The following MED12L variants were observed in gnomAD, a reference collection of about 807,000 sequenced individuals.
MED12L encodes mediator complex subunit 12L.
A neutral mutation model predicts 281.3 loss-of-function variants in MED12L; 60 were observed. The observed-to-expected ratio is 0.21, with a 90% confidence interval of 0.17 to 0.26. The LOEUF is 0.26. Among genes scored for constraint, MED12L ranks in the 10% least tolerant of loss-of-function variants. The probability of loss-of-function intolerance (pLI) is 1.00; values close to 1 mark genes in which losing one functional copy is unlikely to be tolerated. For synonymous variants in MED12L, 974 were observed against 987.2 expected (o/e 0.99, Z 0.25); for missense variants, 2,146 against 2,680.9 (o/e 0.80, Z 4.41).
intron 16 of MED12L, among the ~76,000 whole-genome samples, chr3:151,230,240 C>T (rs963089031): frequency 1.3e-5 from 2 of 152,196 alleles, no homozygotes; most frequent in African/African-American, 4.8e-5. Flanking sequence ...TCCTAAAGTG[C>T]TGGGATTACA....
At chr3:151,264,921 T>C (rs552993115) in intron 16 of MED12L, among the ~76,000 whole-genome samples, 1 of 150,432 alleles carries the variant, frequency 6.6e-6, no homozygotes, top group East Asian at 1.9e-4. Context: ...GTAGCCACAC[T>C]GGCCTTCTTG....
intron 16 of MED12L, chr3:151,337,708 CATT>C: frequency 1.8e-6 from 2 of 1,081,740 alleles, no homozygotes; most frequent in Non-Finnish European, 2.7e-6. Context: ...TCTTTAGAGT[CATT>C]ATTATTAACT....
chr3:151,246,304 T>C (rs1408124206), intron 16 of MED12L, among the ~76,000 whole-genome samples: 8 of 150,546 alleles, frequency 5.3e-5, no homozygotes, highest in East Asian at 1.9e-4. Context: ...AAAGAGCCCG[T>C]ATCGCCAAGT....
At chr3:151,215,572 C>T (rs969022343) in intron 16 of MED12L, among the ~76,000 whole-genome samples, 1 of 152,120 alleles carries the variant, frequency 6.6e-6, no homozygotes, top group African/African-American at 2.4e-5. Context: ...TCCAGAACTT[C>T]TATTGTTTAG....
intron 5 of MED12L, among the ~76,000 whole-genome samples, chr3:151,146,852 A>G (rs997250964): frequency 6.6e-6 from 1 of 152,098 alleles, no homozygotes; most frequent in African/African-American, 2.4e-5. Flanking sequence ...CAGCCAGAGA[A>G]CCTGATTTAA....
chr3:151,104,493 C>T (rs1721768945), intron 2 of MED12L, among the ~76,000 whole-genome samples: 9 of 152,140 alleles, frequency 5.9e-5, no homozygotes, highest in Admixed American at 5.9e-4. Context: ...GTCTGCTTAT[C>T]CAGAGCCTTA....
At chr3:151,302,569 TC>T (rs2149731690) in intron 16 of MED12L, among the ~76,000 whole-genome samples, 1 of 152,344 alleles carries the variant, frequency 6.6e-6, no homozygotes, top group East Asian at 1.9e-4. Flanking sequence ...TTTCCATTAA[TC>T]TTTGCCTAAA....
intron 2 of MED12L, among the ~76,000 whole-genome samples, chr3:151,109,937 G>A (rs1382388432): frequency 6.6e-6 from 1 of 152,174 alleles, no homozygotes; most frequent in African/African-American, 2.4e-5. Context: ...TGTGCCTCAC[G>A]TTTTTGGGAT....
chr3:151,164,057 T>A lies in MED12L; in HGVS notation c.1257+15T>A. 1 of 1,611,184 alleles carries A rather than the reference T, an allele frequency of 6.2e-7. No individual in the cohort carries two copies. Among genetic ancestry groups the A allele is most frequent in the Non-Finnish European group, 8.5e-7 (1 of 1,178,222 alleles). On this transcript the variant is annotated intron_variant, in intron 9 of 44. Coordinates refer to ENST00000687756, the MANE Select transcript of MED12L (RefSeq NM_001393769.1). ...TCAATCAGCAGGTAGACTTTATGTT[T>A]CAGTGATTTGATGGCTGTTTTCATT...
Position 151,387,841 on chromosome 3 carries a change from C to T in MED12L, c.5120C>T (p.Ser1707Phe), listed in dbSNP as rs201237688. The T allele has an allele frequency of 6.2e-7, 1 of 1,613,804 alleles. No homozygotes were observed. Among genetic ancestry groups the T allele is most frequent in the East Asian group, 2.2e-5 (1 of 44,872 alleles). Residue 1707 changes from serine to phenylalanine, a missense_variant, in exon 37 of 45, where the codon TCC becomes TTC. By Grantham distance (155) the Ser-to-Phe change is radical (BLOSUM62 -2). Transcript: ENST00000687756. ...CAGGTCTCTACGAAGCAGAAGGTGT[C>T]CCCGTGGGACTTGTTTGAGGGTCAG... ...GLQVSTKQKV[S>F]PWDLFEGQKN... is the part of the protein sequence containing the mutation.
intron 16 of MED12L, among the ~76,000 whole-genome samples, chr3:151,265,353 CAG>C (rs1739635507): frequency 6.6e-6 from 1 of 152,208 alleles, no homozygotes; most frequent in South Asian, 2.1e-4. Flanking sequence ...TTTCCCAGCA[CAG>C]ACGTGGAATT....
At chr3:151,164,412 T>G (rs1560110053) in intron 9 of MED12L, among the ~76,000 whole-genome samples, 1 of 152,176 alleles carries the variant, frequency 6.6e-6, no homozygotes, top group Non-Finnish European at 1.5e-5. Flanking sequence ...ACTTGAACCA[T>G]AGGATTGTGA....
At chr3:151,180,930 T>G (rs1382049932) in intron 11 of MED12L, among the ~76,000 whole-genome samples, 1 of 152,204 alleles carries the variant, frequency 6.6e-6, no homozygotes, top group East Asian at 1.9e-4. Context: ...TTCCAAAGAA[T>G]CGACCAGTTT....
At chr3:151,223,739 G>A (rs1170270533) in intron 16 of MED12L, among the ~76,000 whole-genome samples, 2 of 152,198 alleles carry the variant, frequency 1.3e-5, no homozygotes, top group Admixed American at 6.5e-5. Flanking sequence ...CTTGGGTTTT[G>A]TGTTCACTAT....
chr3:151,128,158 C>T lies in MED12L; in HGVS notation c.556+174C>T, dbSNP rs192751648. Among the ~76,000 whole-genome samples, 4 of 152,264 alleles carry T rather than the reference C, an allele frequency of 2.6e-5. No homozygotes were observed. The East Asian group carries it at 5.8e-4, about 22-fold the overall frequency. ...TCCTAGTTCACTCAGTCTCAGAATC[C>T]TGACTCCATTAGCAAGGGCTGTTGA... On this transcript the variant is annotated intron_variant, in intron 5 of 44. Transcript: ENST00000687756.
intron 5 of MED12L, among the ~76,000 whole-genome samples, chr3:151,147,773 G>A (rs1717933677): frequency 6.6e-6 from 1 of 152,094 alleles, no homozygotes; most frequent in Admixed American, 6.5e-5. Context: ...GACGGATATT[G>A]GATTGTTTTC....
At chr3:151,123,080 G>A in intron 4 of MED12L, 106 bp downstream of exon 4, 1 of 976,556 alleles carries the variant, frequency 1.0e-6, no homozygotes, top group South Asian at 1.8e-5. Flanking sequence ...GAGACTGCAA[G>A]CCTATTGGCA....
rs1378326732 is a variant in MED12L at position 151,295,607 on chromosome 3, G to T, written c.2251-54452G>T. On this transcript the variant is annotated intron_variant, in intron 16 of 44. Coordinates refer to ENST00000687756, the MANE Select transcript of MED12L (RefSeq NM_001393769.1). ...ATACAATAGCCAACACATGGTTATT[G>T]TTTCAGTGTAGTCTTTGGCACCCTC... Among the ~76,000 whole-genome samples, 3 of 152,254 alleles carry T rather than the reference G, an allele frequency of 2.0e-5. No homozygotes were observed. The East Asian group carries it at 5.8e-4, about 29-fold the overall frequency.
intron 38 of MED12L, among the ~76,000 whole-genome samples, 190 bp downstream of exon 38, chr3:151,390,325 T>A (rs1304829209): frequency 1.3e-5 from 2 of 152,250 alleles, no homozygotes; most frequent in Non-Finnish European, 2.9e-5. Flanking sequence ...GTTTATGTAC[T>A]GATTTTGGAA....
Sources: allele counts gnomAD v4.1 joint callset (sites outside exome capture counted in the v4.1 genomes callset), GRCh38; gene constraint gnomAD v4.1.1; transcripts MANE v1.5; gene names NCBI Gene and HGNC (gene_info 2026-07-23, HGNC 2026-07-21).